Variants in LINGO2 observed in about 807,000 individuals in gnomAD.
The protein encoded by LINGO2 is leucine-rich repeat and immunoglobulin-like domain-containing nogo receptor-interacting protein 2.
Under a neutral mutation model 30.6 loss-of-function variants are expected in LINGO2, and 14 were observed. The ratio of observed to expected loss-of-function variants is 0.46; its 90% CI spans 0.30 to 0.72. The LOEUF (loss-of-function observed/expected upper bound fraction) is 0.72. Ranked by LOEUF, LINGO2 falls within the 30% of genes least tolerant of loss-of-function variation. The pLI is 0.07. For synonymous variants in LINGO2, 317 were observed against 288.5 expected, an observed-to-expected ratio of 1.10 and a Z score of -1.00; for missense variants, 729 against 751.7, an observed-to-expected ratio of 0.97 and a Z score of 0.35.
At position 28,499,855 on chromosome 9, in the gene LINGO2, T is replaced by C. The variant is rs553300874; in HGVS notation, c.-364-23830A>G. 3.9e-5 allele frequency among the ~76,000 whole-genome samples: 6 copies of C among 152,286 alleles called. No homozygotes were observed. In the South Asian group the frequency reaches 1.2e-3, roughly 32 times the overall value. On this transcript the variant is annotated intron_variant, in intron 1 of 5. Coordinates refer to ENST00000379992, the Ensembl canonical transcript of LINGO2. ...CCTTTCTAGACTAATTAGAGAATAG[T>C]AGATAAGTTTCTATATGTCCCCACT...
chr9:28,361,477 G>A (rs1406694601), intron 3 of LINGO2, among the ~76,000 whole-genome samples: 1 of 152,016 alleles, frequency 6.6e-6, no homozygotes, highest in African/African-American at 2.4e-5. Flanking sequence ...AATGTGCTCT[G>A]ATATTTTTCA....
chr9:28,994,801 A>G, the LINGO2 span, among the ~76,000 whole-genome samples: 1 of 152,222 alleles, frequency 6.6e-6, no homozygotes, highest in Non-Finnish European at 1.5e-5. Context: ...GGTCCTGGGA[A>G]AACTGGCTAG....
At chr9:28,869,509 AAT>A in the LINGO2 span, among the ~76,000 whole-genome samples, 2 of 152,042 alleles carry the variant, frequency 1.3e-5, no homozygotes, top group East Asian at 3.9e-4. Context: ...TTCAAGAGAC[AAT>A]GTGTCTGAAT....
intron 4 of LINGO2, among the ~76,000 whole-genome samples, chr9:28,058,750 GCACTATGGACTTAAGTC>G (rs909583366): frequency 2.8e-4 from 43 of 151,948 alleles, no homozygotes; most frequent in Non-Finnish European, 4.6e-4. Flanking sequence ...AAAAAATATT[GCACTATGGACTTAAGTC>G]CACTCATAAT....
chr9:28,379,977 C>T (rs1207431431), intron 2 of LINGO2, among the ~76,000 whole-genome samples: 1 of 152,028 alleles, frequency 6.6e-6, no homozygotes, highest in African/African-American at 2.4e-5. Context: ...CTCAAGATGG[C>T]TTGTGTTAAG....
chr9:28,769,509 TATATA>T, the LINGO2 span, among the ~76,000 whole-genome samples: 3 of 3,396 alleles, frequency 8.8e-4, no homozygotes, highest in African/African-American at 2.9e-3. Context: ...TATATATATA[TATATA>T]TATATTTTTT....
the LINGO2 span, among the ~76,000 whole-genome samples, chr9:28,779,932 T>C: frequency 6.6e-6 from 1 of 152,102 alleles, no homozygotes; most frequent in Non-Finnish European, 1.5e-5. Flanking sequence ...CTTGTATATA[T>C]AGAAAATATA....
chr9:28,401,129 A>G, intron 2 of LINGO2, among the ~76,000 whole-genome samples: 1 of 152,186 alleles, frequency 6.6e-6, no homozygotes, highest in Non-Finnish European at 1.5e-5. Context: ...ATGTAGTGAC[A>G]AAACAAGGGT....
intron 3 of LINGO2, among the ~76,000 whole-genome samples, chr9:28,361,905 A>AT (rs1291169991): frequency 3.9e-5 from 6 of 152,170 alleles, no homozygotes; most frequent in Admixed American, 6.5e-5. Flanking sequence ...GGGTTGAGTG[A>AT]TTTTCTAAGG....
chr9:27,969,250 C>A lies in LINGO2; in HGVS notation c.-35-18544G>T, dbSNP rs1439860453. 7.9e-5 allele frequency among the ~76,000 whole-genome samples: 12 copies of A among 151,992 alleles called. 1 individual carries two copies. The highest frequency in any genetic ancestry group is 7.9e-4 in the Admixed American group (12 of 15,238). On this transcript the variant is annotated intron_variant, in intron 5 of 5. Transcript: ENST00000379992. The stretch of plus-strand genomic sequence containing the variant: ...GTCATTTCAGGCTTTAACTTAGCCA[C>A]TTCAGGAGTATAATTCATAGGTTAT...
At chr9:28,342,184 C>A (rs1044949293) in intron 3 of LINGO2, among the ~76,000 whole-genome samples, 1 of 152,130 alleles carries the variant, frequency 6.6e-6, no homozygotes, top group Non-Finnish European at 1.5e-5. Flanking sequence ...ACAAACCTCT[C>A]GCTGTCTATA....
At chr9:28,037,059 G>C (rs1054084293) in intron 4 of LINGO2, among the ~76,000 whole-genome samples, 6 of 152,136 alleles carry the variant, frequency 3.9e-5, no homozygotes, top group African/African-American at 1.2e-4. Context: ...CTGCTGCTTG[G>C]CTTATTGTGG....
intron 1 of LINGO2, among the ~76,000 whole-genome samples, chr9:28,553,387 A>G (rs1822423945): frequency 6.6e-6 from 1 of 152,110 alleles, no homozygotes; most frequent in Admixed American, 6.6e-5. Flanking sequence ...CAATTGGAAG[A>G]AAGGGTATCA....
chr9:29,033,297 G>GAATGTGAAACAGAAAAACAGAAA, the LINGO2 span, among the ~76,000 whole-genome samples: 1 of 151,448 alleles, frequency 6.6e-6, no homozygotes, highest in African/African-American at 2.4e-5. Flanking sequence ...CCTGTCTGGT[G>GAATGTGAAACAGAAAAACAGAAA]AATGTGAAAC....
chr9:28,266,330 T>A (rs1822749555), intron 4 of LINGO2, among the ~76,000 whole-genome samples: 1 of 151,480 alleles, frequency 6.6e-6, no homozygotes, highest in African/African-American at 2.4e-5. Flanking sequence ...AGAGGATTCT[T>A]ATAAGAAAGT....
the LINGO2 span, among the ~76,000 whole-genome samples, chr9:28,948,259 A>T: frequency 2.0e-5 from 3 of 152,106 alleles, no homozygotes; most frequent in African/African-American, 7.2e-5. Flanking sequence ...ATTTGAATAT[A>T]TAGCTTTTCT....
intron 4 of LINGO2, among the ~76,000 whole-genome samples, chr9:28,239,841 A>G (rs1173476579): frequency 2.0e-5 from 3 of 152,192 alleles, no homozygotes; most frequent in Non-Finnish European, 4.4e-5. Context: ...AAAATGTCAA[A>G]TTATCCTTCT....
chr9:29,062,254 C>A, the LINGO2 span, among the ~76,000 whole-genome samples: 14 of 152,004 alleles, frequency 9.2e-5, no homozygotes, highest in Non-Finnish European at 1.9e-4. Context: ...TAAAATGGTA[C>A]AGCCATTATG....
At chr9:28,058,437 A>G (rs2123204) in intron 4 of LINGO2, among the ~76,000 whole-genome samples, 112,320 of 152,082 alleles carry the variant, frequency 0.74, 41,828 homozygotes, top group East Asian at 0.86. Flanking sequence ...TACAATACAT[A>G]GGTATAAAAA....
Sources: gnomAD v4.1 joint callset for allele counts (sites outside exome capture counted in the v4.1 genomes callset) on GRCh38, gnomAD v4.1.1 for gene constraint, MANE v1.5 for transcripts, NCBI Gene and HGNC (gene_info 2026-07-23, HGNC 2026-07-21) for gene names.